MMP16: variants seen among roughly 807,000 people sequenced by gnomAD.
MMP16 encodes the protein matrix metalloproteinase-16.
Under a neutral mutation model 67.8 loss-of-function variants are expected in MMP16, and 12 were observed. That is an observed-to-expected ratio of 0.18 (90% CI 0.11 to 0.29). MMP16 has a LOEUF of 0.29. MMP16 is among the 10% of genes least tolerant of loss of function. The pLI, the probability that MMP16 is intolerant of heterozygous loss-of-function variation, is 1.00. For missense variants in MMP16, 475 were observed against 765.7 expected (o/e 0.62, Z 4.48); for synonymous variants, 249 against 255.9 (o/e 0.97, Z 0.26).
intron 1 of MMP16, among the ~76,000 whole-genome samples, chr8:88,223,525 A>G (rs1420104031): frequency 6.6e-6 from 1 of 151,996 alleles, no homozygotes; most frequent in Non-Finnish European, 1.5e-5. Context: ...AAAAAGGATG[A>G]GTTCATGTCC....
chr8:88,165,549 T>A (rs1482006775), intron 4 of MMP16, among the ~76,000 whole-genome samples: 3 of 152,098 alleles, frequency 2.0e-5, no homozygotes, highest in Non-Finnish European at 4.4e-5. Flanking sequence ...TCTTATATTA[T>A]TTAAAATAAT....
At chr8:88,308,942 T>C (rs1203868972) in intron 1 of MMP16, among the ~76,000 whole-genome samples, 1 of 151,594 alleles carries the variant, frequency 6.6e-6, no homozygotes, top group Non-Finnish European at 1.5e-5. Context: ...GTTTAAAACA[T>C]AAAAAAATTC....
chr8:88,109,927 G>A (rs1809306005), intron 6 of MMP16, among the ~76,000 whole-genome samples: 1 of 150,994 alleles, frequency 6.6e-6, no homozygotes, highest in Non-Finnish European at 1.5e-5. Context: ...CATGATTATA[G>A]GGAATTGTCT....
intron 6 of MMP16, among the ~76,000 whole-genome samples, chr8:88,105,042 A>G (rs1249695049): frequency 6.6e-6 from 1 of 151,526 alleles, no homozygotes; most frequent in Non-Finnish European, 1.5e-5. Flanking sequence ...AGGCCTTCAC[A>G]TTCAGTCATC....
chr8:88,134,078 T>C (rs911893523), intron 4 of MMP16, among the ~76,000 whole-genome samples: 1 of 151,786 alleles, frequency 6.6e-6, no homozygotes, highest in Non-Finnish European at 1.5e-5. Flanking sequence ...TGTAGAGAGA[T>C]GTAAAACACT....
At chr8:88,116,252 G>A (rs1013096574) in intron 6 of MMP16, among the ~76,000 whole-genome samples, 1 of 151,968 alleles carries the variant, frequency 6.6e-6, no homozygotes, top group Non-Finnish European at 1.5e-5. Context: ...ATAACATGCA[G>A]CATTTTTTTT....
At chr8:88,149,899 C>T (rs879084031) in intron 4 of MMP16, among the ~76,000 whole-genome samples, 11 of 144,778 alleles carry the variant, frequency 7.6e-5, no homozygotes, top group Non-Finnish European at 1.1e-4. Flanking sequence ...AGGCTTCAGA[C>T]GATCAAATTA....
intron 1 of MMP16, among the ~76,000 whole-genome samples, chr8:88,274,398 C>G (rs1431462771): frequency 6.6e-6 from 1 of 151,972 alleles, no homozygotes; most frequent in Admixed American, 6.6e-5. Context: ...GATTACTTTT[C>G]CAATATTGTA....
At chr8:88,267,171 A>G (rs1810489071) in intron 1 of MMP16, among the ~76,000 whole-genome samples, 2 of 152,218 alleles carry the variant, frequency 1.3e-5, no homozygotes, top group Admixed American at 1.3e-4. Flanking sequence ...TAATATTCAT[A>G]TAGTATATAT....
chr8:88,071,255 A>C (rs1156287059), intron 7 of MMP16, among the ~76,000 whole-genome samples: 1 of 152,152 alleles, frequency 6.6e-6, no homozygotes, highest in Non-Finnish European at 1.5e-5. Context: ...CACAATAGTT[A>C]TACTTTATAA....
chr8:88,181,245 A>T (rs1220958766), intron 3 of MMP16, among the ~76,000 whole-genome samples: 1 of 152,044 alleles, frequency 6.6e-6, no homozygotes, highest in African/African-American at 2.4e-5. Context: ...AATACATACA[A>T]CTGTCTTTGT....
intron 1 of MMP16, among the ~76,000 whole-genome samples, chr8:88,237,512 G>A (rs986814729): frequency 7.2e-5 from 11 of 152,138 alleles, no homozygotes; most frequent in Middle Eastern, 6.8e-3. Flanking sequence ...GCCGGGCGTA[G>A]TGGCGGGTGC....
intron 6 of MMP16, among the ~76,000 whole-genome samples, chr8:88,083,090 G>A (rs1808780235): frequency 6.6e-6 from 1 of 151,886 alleles, no homozygotes; most frequent in Non-Finnish European, 1.5e-5. Flanking sequence ...AAGTTAATAT[G>A]TTAATGTTAT....
intron 4 of MMP16, among the ~76,000 whole-genome samples, chr8:88,160,634 C>A (rs1808603406): frequency 6.6e-6 from 1 of 152,060 alleles, no homozygotes; most frequent in African/African-American, 2.4e-5. Context: ...CAGGAAACAA[C>A]AGGTGCTGGA....
intron 1 of MMP16, among the ~76,000 whole-genome samples, chr8:88,198,786 G>A (rs769639983): frequency 3.3e-5 from 5 of 151,858 alleles, no homozygotes; most frequent in Admixed American, 6.6e-5. Flanking sequence ...GTGTATTAGT[G>A]AAACCTAATC....
chr8:88,124,920 G>A (rs992500655), intron 4 of MMP16, among the ~76,000 whole-genome samples: 2 of 151,834 alleles, frequency 1.3e-5, no homozygotes, highest in Middle Eastern at 3.2e-3. Flanking sequence ...AAGCTTGCTG[G>A]TGTTTCTTCT....
intron 3 of MMP16, among the ~76,000 whole-genome samples, chr8:88,183,920 T>A (rs1026652442): frequency 6.6e-5 from 10 of 151,686 alleles, no homozygotes; most frequent in Admixed American, 3.9e-4. Flanking sequence ...TATTTTTTTT[T>A]ATTTTAGTAT....
At chr8:88,212,185 G>A (rs905869810) in intron 1 of MMP16, among the ~76,000 whole-genome samples, 4 of 152,180 alleles carry the variant, frequency 2.6e-5, no homozygotes, top group African/African-American at 7.2e-5. Flanking sequence ...CATCATGTGA[G>A]AGGTAATGGT....
At chr8:88,165,701 T>C (rs1300505744) in intron 4 of MMP16, among the ~76,000 whole-genome samples, 1 of 152,106 alleles carries the variant, frequency 6.6e-6, no homozygotes, top group East Asian at 1.9e-4. Context: ...GATGTTTTAT[T>C]ATTAGATGCT....
Sources: gnomAD v4.1 joint callset for allele counts (sites outside exome capture counted in the v4.1 genomes callset) on GRCh38, gnomAD v4.1.1 for gene constraint, MANE v1.5 for transcripts, NCBI Gene and HGNC (gene_info 2026-07-23, HGNC 2026-07-21) for gene names.